Variants in PTPRZ1 observed in about 807,000 individuals in gnomAD.
PTPRZ1 encodes the protein receptor-type tyrosine-protein phosphatase zeta.
Under a neutral mutation model 214.1 loss-of-function variants are expected in PTPRZ1, and 82 were observed. The observed-to-expected ratio is 0.38, with a 90% CI of 0.32 to 0.46. The LOEUF is 0.46. Among genes scored for constraint, PTPRZ1 ranks in the 20% least tolerant of loss-of-function variants. PTPRZ1 has a pLI of 1.00. For missense variants in PTPRZ1, 2,603 were observed against 2,748.7 expected, an observed-to-expected ratio of 0.95 and a Z score of 1.19; for synonymous variants, 945 against 987.9, an observed-to-expected ratio of 0.96 and a Z score of 0.81.
At chr7:121,940,261 C>G (rs778204387) in intron 2 of PTPRZ1, among the ~76,000 whole-genome samples, 12 of 151,828 alleles carry the variant, frequency 7.9e-5, no homozygotes, top group Non-Finnish European at 1.6e-4. Flanking sequence ...AGTTAGGAAA[C>G]GAAAGGAAAA....
chr7:121,991,328 G>A (rs2204528), intron 8 of PTPRZ1, among the ~76,000 whole-genome samples: 3 of 152,068 alleles, frequency 2.0e-5, no homozygotes, highest in African/African-American at 7.2e-5. Context: ...TCATGATTAA[G>A]GTGTTCTTAA....
intron 2 of PTPRZ1, among the ~76,000 whole-genome samples, chr7:121,934,864 G>A (rs1041362759): frequency 8.5e-5 from 13 of 152,094 alleles, no homozygotes; most frequent in African/African-American, 1.9e-4. Flanking sequence ...AGCAAGCCTC[G>A]TTGTGGAGGC....
Position 121,983,823 on chromosome 7 carries a change from G to GT in PTPRZ1, c.777+2dup. ...TACAGTTAGCATCTCTGAAAGCCAG[G>GT]TAATCTTAGAAATTCAAACAAATCA... On this transcript the variant is annotated splice_donor_variant, in intron 7 of 29. Transcript: ENST00000393386. LOFTEE classifies it high-confidence loss of function. 1 of 1,608,910 alleles carries GT rather than the reference G, an allele frequency of 6.2e-7. No homozygotes were observed. The highest frequency in any genetic ancestry group is 8.5e-7 in the Non-Finnish European group (1 of 1,178,290).
At chr7:121,875,066 C>T (rs1232877855) in intron 1 of PTPRZ1, among the ~76,000 whole-genome samples, 1 of 151,576 alleles carries the variant, frequency 6.6e-6, no homozygotes, top group Non-Finnish European at 1.5e-5. Flanking sequence ...AGATAAAATT[C>T]ACACATTATA....
intron 1 of PTPRZ1, among the ~76,000 whole-genome samples, chr7:121,916,141 G>A (rs1292040491): frequency 1.3e-5 from 2 of 152,030 alleles, no homozygotes; most frequent in East Asian, 1.9e-4. Flanking sequence ...GGGCGTCATG[G>A]TGTGCGCCTA....
At chr7:121,951,502 A>G (rs1460260985) in intron 2 of PTPRZ1, among the ~76,000 whole-genome samples, 4 of 152,228 alleles carry the variant, frequency 2.6e-5, no homozygotes, top group Non-Finnish European at 5.9e-5. Context: ...TGCATTCACT[A>G]AACTATAGCG....
intron 6 of PTPRZ1, among the ~76,000 whole-genome samples, chr7:121,981,102 C>T (rs1797596190): frequency 6.6e-6 from 1 of 150,436 alleles, no homozygotes; most frequent in Admixed American, 6.6e-5. Flanking sequence ...GAGATAGCGC[C>T]ACTGCACTCC....
At chr7:121,885,296 G>C (rs568397828) in intron 1 of PTPRZ1, among the ~76,000 whole-genome samples, 1 of 152,108 alleles carries the variant, frequency 6.6e-6, no homozygotes, top group African/African-American at 2.4e-5. Context: ...GCTATTTTGC[G>C]ACAAAGGTAA....
At chr7:122,032,468 T>C (rs527835185) in intron 15 of PTPRZ1, among the ~76,000 whole-genome samples, 45 of 152,260 alleles carry the variant, frequency 3.0e-4, no homozygotes, top group Admixed American at 2.9e-3. Context: ...GTCTTCAGCC[T>C]CCCCGCTGGC....
At chr7:122,044,973 G>A (rs961731626) in intron 23 of PTPRZ1, among the ~76,000 whole-genome samples, 1 of 151,646 alleles carries the variant, frequency 6.6e-6, no homozygotes. Flanking sequence ...AAAAATCTGT[G>A]TCTCACTTGA....
At chr7:122,007,054 C>T (rs1450344625) in intron 11 of PTPRZ1, among the ~76,000 whole-genome samples, 5 of 151,972 alleles carry the variant, frequency 3.3e-5, no homozygotes, top group Non-Finnish European at 5.9e-5. Flanking sequence ...TGGCCACCCG[C>T]CTAGAATGAA....
rs1286897753 is a variant in PTPRZ1 at position 122,012,790 on chromosome 7, T to C, written c.3744T>C (p.Pro1248=). 6 of 1,611,476 alleles carry C rather than the reference T, an allele frequency of 3.7e-6. No individual in the cohort carries two copies. In the East Asian group the frequency reaches 1.3e-4, roughly 36 times the overall value. ...STSVPVFDVS[P]TSHMHSASLQ... is the part of the protein sequence containing the mutation. The stretch of plus-strand genomic sequence containing the variant: ...CTGTACCAGTTTTTGATGTGTCGCC[T>C]ACTTCTCATATGCACTCTGCTTCAC... The change falls in exon 12 of 30, where the codon CCT becomes CCC. Residue 1248 remains proline, a synonymous_variant. Transcript: ENST00000393386.
chr7:122,025,412 C>A (rs1481938900), intron 13 of PTPRZ1, among the ~76,000 whole-genome samples: 1 of 151,304 alleles, frequency 6.6e-6, no homozygotes, highest in Non-Finnish European at 1.5e-5. Flanking sequence ...TCACCGCAAC[C>A]TCCACCTCCC....
intron 1 of PTPRZ1, among the ~76,000 whole-genome samples, chr7:121,894,553 G>A (rs777264518): frequency 2.6e-5 from 4 of 151,938 alleles, no homozygotes; most frequent in Non-Finnish European, 2.9e-5. Context: ...CTACAGGCAC[G>A]CACTTCCATG....
rs1293176044 is a variant in PTPRZ1 at position 122,044,488 on chromosome 7, G to C, written c.6004G>C (p.Asp2002His). Reference protein sequence around the residue: ...AILSKETEVLDSHIHAYVNAL... With the variant: ...AILSKETEVLHSHIHAYVNAL... ...ACTTAGTAAAGAAACTGAGGTGCTG[G>C]ACAGTCATATTCATGCCTATGTTAA... Residue 2002 changes from aspartate (D) to histidine (H), a missense_variant, in exon 23 of 30, where the codon GAC becomes CAC. Asp to His is a moderately conservative substitution (Grantham distance 81). Around this residue, in one of 6 missense-constraint regions of PTPRZ1, gnomAD observed 1,913 missense variants for 1,914.3 expected, o/e 1.00. Transcript: ENST00000393386. 6.2e-7 allele frequency: 1 copy of C among 1,613,912 alleles called. No homozygotes were observed. The highest frequency in any genetic ancestry group is 8.5e-7 in the Non-Finnish European group (1 of 1,179,848).
chr7:122,023,174 A>T (rs996428857), intron 13 of PTPRZ1, among the ~76,000 whole-genome samples: 11 of 152,068 alleles, frequency 7.2e-5, no homozygotes, highest in Non-Finnish European at 1.0e-4. Context: ...AAGTTTTATA[A>T]TAAATCTGCT....
intron 11 of PTPRZ1, among the ~76,000 whole-genome samples, chr7:122,006,979 T>C (rs1383748554): frequency 6.6e-6 from 1 of 151,984 alleles, no homozygotes; most frequent in Non-Finnish European, 1.5e-5. Context: ...GCCTCTGTAA[T>C]GAGACAGCAC....
At chr7:121,969,696 G>C (rs1242720019) in intron 3 of PTPRZ1, among the ~76,000 whole-genome samples, 1 of 151,672 alleles carries the variant, frequency 6.6e-6, no homozygotes, top group Non-Finnish European at 1.5e-5. Flanking sequence ...TTACCTAAAA[G>C]TATATTGTCC....
At chr7:122,037,476 GGGACTC>G (rs1328038094) in intron 18 of PTPRZ1, among the ~76,000 whole-genome samples, 36 of 152,104 alleles carry the variant, frequency 2.4e-4, no homozygotes, top group African/African-American at 8.7e-4. Context: ...GGAACTTACT[GGGACTC>G]TCCAGAGACT....
Sources: gnomAD v4.1 joint callset for allele counts (sites outside exome capture counted in the v4.1 genomes callset) on GRCh38, gnomAD v4.1.1 for gene constraint, gnomAD v4.1.1 regional missense constraint, MANE v1.5 for transcripts, NCBI Gene and HGNC (gene_info 2026-07-23, HGNC 2026-07-21) for gene names.